FAM222B: variants seen among roughly 807,000 people sequenced by gnomAD.
FAM222B encodes the protein family with sequence similarity 222 member B, also known as protein FAM222B.
Under a neutral mutation model 38.0 loss-of-function variants are expected in FAM222B, and 12 were observed. The observed-to-expected ratio is 0.32, with a 90% CI of 0.20 to 0.51. The LOEUF (loss-of-function observed/expected upper bound fraction) is 0.51, where lower values mean the gene tolerates loss of function less well. Among genes scored for constraint, FAM222B ranks in the 20% least tolerant of loss-of-function variants. FAM222B has a pLI of 0.97. For missense variants in FAM222B, 716 were observed against 754.2 expected (o/e 0.95, Z 0.59); for synonymous variants, 329 against 317.2 (o/e 1.04, Z -0.40).
chr17:28,772,098 T>C lies in FAM222B; in HGVS notation c.-40-5391A>G, dbSNP rs560115499. On this transcript the variant is annotated intron_variant, in intron 1 of 2. Transcript: ENST00000581407. Reference sequence around the variant, plus strand: ...TAATTTTAAAATAAGGGGGAAAAAATCACTGATAAACCAAAAACCTCAACC... The same window carrying C: ...TAATTTTAAAATAAGGGGGAAAAAACCACTGATAAACCAAAAACCTCAACC... Among the ~76,000 whole-genome samples, 268 of 152,122 alleles carry C rather than the reference T, an allele frequency of 1.8e-3. 3 individuals carry two copies. Among genetic ancestry groups the C allele is most frequent in the African/African-American group, 6.1e-3 (253 of 41,514 alleles).
intron 1 of FAM222B, among the ~76,000 whole-genome samples, chr17:28,841,535 C>T (rs2039038351): frequency 6.6e-6 from 1 of 152,048 alleles, no homozygotes; most frequent in African/African-American, 2.4e-5. Flanking sequence ...CCACCACACC[C>T]GGCTGATTTT....
upstream of FAM222B, among the ~76,000 whole-genome samples, chr17:28,845,845 A>C (rs2039141944): frequency 6.6e-6 from 1 of 151,664 alleles, no homozygotes; most frequent in Non-Finnish European, 1.5e-5. Context: ...TAGTGAGCCA[A>C]GATTGCGCCA....
At chr17:28,793,977 G>A (rs1461081356) in intron 1 of FAM222B, among the ~76,000 whole-genome samples, 10 of 151,974 alleles carry the variant, frequency 6.6e-5, no homozygotes, top group South Asian at 2.1e-4. Flanking sequence ...TCAAACTCCC[G>A]ACCTCAGGTA....
intron 1 of FAM222B, among the ~76,000 whole-genome samples, chr17:28,789,936 C>A (rs1337679624): frequency 6.6e-6 from 1 of 152,150 alleles, no homozygotes; most frequent in Non-Finnish European, 1.5e-5. Context: ...GTAAAGCAGG[C>A]ATGTTACCAG....
At chr17:28,798,668 T>TCTCTCGCCCAAACTGGAGCGCAG (rs2037059392) in intron 1 of FAM222B, among the ~76,000 whole-genome samples, 2 of 149,954 alleles carry the variant, frequency 1.3e-5, no homozygotes, top group African/African-American at 4.9e-5. Flanking sequence ...GGAGTCTTGC[T>TCTCTCGCCCAAACTGGAGCGCAG]CTCTCGCCCA....
At chr17:28,780,837 G>A (rs537555549) in intron 1 of FAM222B, among the ~76,000 whole-genome samples, 7 of 151,458 alleles carry the variant, frequency 4.6e-5, no homozygotes, top group Non-Finnish European at 5.9e-5. Context: ...AGCCGAGATC[G>A]CACCATTGGA....
chr17:28,831,567 T>C (rs2038670680), intron 1 of FAM222B, among the ~76,000 whole-genome samples: 1 of 150,630 alleles, frequency 6.6e-6, no homozygotes, highest in South Asian at 2.1e-4. Context: ...AGTGCAGTGT[T>C]GCGATCTTGG....
chr17:28,779,750 C>CT (rs1159654607), intron 1 of FAM222B, among the ~76,000 whole-genome samples: 4 of 119,348 alleles, frequency 3.4e-5, no homozygotes, highest in African/African-American at 1.2e-4. Flanking sequence ...GACTCCGTCT[C>CT]AAAATAAATA....
intron 1 of FAM222B, among the ~76,000 whole-genome samples, chr17:28,777,627 C>A (rs530150041): frequency 2.0e-5 from 3 of 152,146 alleles, no homozygotes; most frequent in African/African-American, 7.2e-5. Flanking sequence ...TTTACTGGCT[C>A]ACATTCCTGA....
chr17:28,824,764 T>C (rs146617372), intron 1 of FAM222B, among the ~76,000 whole-genome samples: 10 of 152,284 alleles, frequency 6.6e-5, no homozygotes, highest in East Asian at 1.9e-4. Flanking sequence ...CTGGTCTCCT[T>C]GCTTCCTTCT....
chr17:28,766,844 G>A (rs557605553), intron 1 of FAM222B, 137 bp from the exon 2 acceptor site: 10 of 570,758 alleles, frequency 1.8e-5, no homozygotes, highest in Admixed American at 9.3e-5. Context: ...TTGGTTGAAA[G>A]TATACTTACA....
chr17:28,838,976 G>A (rs1016689344), intron 1 of FAM222B, among the ~76,000 whole-genome samples: 2 of 151,496 alleles, frequency 1.3e-5, no homozygotes, highest in African/African-American at 2.4e-5. Flanking sequence ...AGGCTGAGTC[G>A]GGCAGATCAC....
At chr17:28,847,400 T>G (rs1284178658), upstream of FAM222B, among the ~76,000 whole-genome samples, 1 of 141,782 alleles carries the variant, frequency 7.1e-6, no homozygotes, top group Non-Finnish European at 1.5e-5. Context: ...CGAGGCCAGT[T>G]TGGCCAACAT....
intron 1 of FAM222B, among the ~76,000 whole-genome samples, chr17:28,827,137 T>C (rs2152601752): frequency 6.6e-6 from 1 of 151,796 alleles, no homozygotes; most frequent in African/African-American, 2.4e-5. Flanking sequence ...AGAATTAAAC[T>C]CTGTCTCAAA....
intron 1 of FAM222B, among the ~76,000 whole-genome samples, chr17:28,791,172 A>T (rs923184595): frequency 6.6e-6 from 1 of 151,680 alleles, no homozygotes; most frequent in Non-Finnish European, 1.5e-5. Flanking sequence ...GGCCTCCCAA[A>T]AGCTGGGATT....
At chr17:28,771,236 C>G (rs1048289885) in intron 1 of FAM222B, among the ~76,000 whole-genome samples, 2 of 151,992 alleles carry the variant, frequency 1.3e-5, no homozygotes, top group African/African-American at 4.8e-5. Flanking sequence ...TGGAATATTA[C>G]TTTTTACGAT....
intron 1 of FAM222B, among the ~76,000 whole-genome samples, chr17:28,790,883 A>AAATTTTTTTTTTTTTTTTTTTTTTTT (rs1567838640): frequency 5.6e-4 from 5 of 8,906 alleles, no homozygotes; most frequent in African/African-American, 2.7e-3. Context: ...AAATTGTTTC[A>AAATTTTTTTTTTTTTTTTTTTTTTTT]CTTTTTTTTT....
intron 1 of FAM222B, among the ~76,000 whole-genome samples, chr17:28,797,991 A>C (rs1235094410): frequency 6.6e-6 from 1 of 152,126 alleles, no homozygotes; most frequent in Non-Finnish European, 1.5e-5. Context: ...CCAGGGGTGG[A>C]GGCTGCAAGG....
chr17:28,835,930 C>A (rs1397685956), intron 1 of FAM222B, among the ~76,000 whole-genome samples: 1 of 151,996 alleles, frequency 6.6e-6, no homozygotes, highest in African/African-American at 2.4e-5. Context: ...CTGCCTAGGC[C>A]TCCCAAAGTG....
Sources: gnomAD v4.1 joint callset for allele counts (sites outside exome capture counted in the v4.1 genomes callset) on GRCh38, gnomAD v4.1.1 for gene constraint, MANE v1.5 for transcripts, NCBI Gene and HGNC (gene_info 2026-07-23, HGNC 2026-07-21) for gene names.